GRB10: variants seen among roughly 807,000 people sequenced by gnomAD.
GRB10 encodes growth factor receptor-bound protein 10.
A neutral mutation model predicts 80.9 loss-of-function variants in GRB10; 20 were observed. That is an observed-to-expected ratio of 0.25 (90% CI 0.17 to 0.36). GRB10 has a LOEUF of 0.36. Ranked by LOEUF, GRB10 falls within the 10% of genes least tolerant of loss-of-function variation. GRB10 has a pLI of 1.00. For synonymous variants in GRB10, 291 were observed against 291.5 expected, an observed-to-expected ratio of 1.00 and a Z score of 0.02; for missense variants, 548 against 747.7, an observed-to-expected ratio of 0.73 and a Z score of 3.12.
intron 5 of GRB10, among the ~76,000 whole-genome samples, chr7:50,678,867 C>T (rs1235063803): frequency 6.6e-6 from 1 of 152,172 alleles, no homozygotes; most frequent in Non-Finnish European, 1.5e-5. Flanking sequence ...TGTGAAAGGC[C>T]TTCTGCCACG....
chr7:50,783,025 T>TC (rs2078471888), upstream of GRB10: 1 of 152,252 alleles, frequency 6.6e-6, no homozygotes, highest in African/African-American at 2.4e-5. Context: ...CCTCCTCTCC[T>TC]CCCCCACAGC....
intron 5 of GRB10, among the ~76,000 whole-genome samples, chr7:50,691,019 G>C (rs2062753256): frequency 6.6e-6 from 1 of 152,158 alleles, no homozygotes; most frequent in Non-Finnish European, 1.5e-5. Flanking sequence ...GCAAAACAAA[G>C]AGAACACAGG....
intron 7 of GRB10, among the ~76,000 whole-genome samples, chr7:50,628,018 C>T (rs1049661078): frequency 2.0e-5 from 3 of 152,170 alleles, no homozygotes; most frequent in Non-Finnish European, 4.4e-5. Flanking sequence ...CACGGACTTG[C>T]TCTCCCACTC....
intron 2 of GRB10, among the ~76,000 whole-genome samples, chr7:50,773,772 A>G (rs1415428662): frequency 6.6e-6 from 1 of 152,226 alleles, no homozygotes; most frequent in Non-Finnish European, 1.5e-5. Flanking sequence ...TATTCACAAT[A>G]CCCAAAAGGT....
intron 5 of GRB10, among the ~76,000 whole-genome samples, chr7:50,691,891 C>T (rs1308001022): frequency 6.6e-6 from 1 of 152,082 alleles, no homozygotes; most frequent in Non-Finnish European, 1.5e-5. Flanking sequence ...CAGGACTATG[C>T]TGAGCGTTTC....
intron 2 of GRB10, among the ~76,000 whole-genome samples, chr7:50,773,830 T>C (rs959282940): frequency 6.6e-6 from 1 of 152,220 alleles, no homozygotes. Context: ...AAGTAGTATA[T>C]ACATACAAGG....
intron 5 of GRB10, among the ~76,000 whole-genome samples, chr7:50,683,518 C>T (rs1270255176): frequency 6.6e-6 from 1 of 152,146 alleles, no homozygotes; most frequent in Non-Finnish European, 1.5e-5. Flanking sequence ...GGGTGGATCA[C>T]CTGAGGTCAG....
chr7:50,592,760 G>A lies in GRB10; in HGVS notation c.*192C>T. 1.5e-6 allele frequency: 1 copy of A among 662,106 alleles called. No homozygotes were observed. Among genetic ancestry groups the A allele is most frequent in the South Asian group, 1.8e-5 (1 of 55,724 alleles). 41.0% of individuals were successfully genotyped at this position (662,106 alleles called of 1,614,324 possible). The stretch of plus-strand genomic sequence containing the variant: ...GGCCGATGCAGAGGGAGGCGACCCT[G>A]CTGGGTTCACAGCAGCAAATCGTCG... On this transcript the variant is annotated 3_prime_UTR_variant, in exon 19 of 19. Transcript: ENST00000401949.
chr7:50,689,412 T>C (rs2062512140), intron 5 of GRB10, among the ~76,000 whole-genome samples: 1 of 152,168 alleles, frequency 6.6e-6, no homozygotes, highest in South Asian at 2.1e-4. Flanking sequence ...TTTGAACAAC[T>C]CAGGACTATC....
In GRB10 at chr7:50,626,985, C is replaced by T. The variant is rs1460803574; in HGVS notation, c.505-7G>A. ...CACTAAAGACTTTAACATCCTGCAA[C>T]ACACAAAGGGGATAGTTACAGATAA... On this transcript the variant is annotated splice_region_variant and splice_polypyrimidine_tract_variant and intron_variant, in intron 7 of 18. Coordinates refer to ENST00000401949, the MANE Select transcript of GRB10 (RefSeq NM_001350814.2). The T allele has an allele frequency of 1.9e-6, 3 of 1,613,854 alleles. No homozygotes were observed. In the South Asian group the frequency reaches 3.3e-5, roughly 18 times the overall value.
chr7:50,745,887 T>C (rs1304029139), intron 3 of GRB10, among the ~76,000 whole-genome samples: 3 of 152,252 alleles, frequency 2.0e-5, no homozygotes, highest in Non-Finnish European at 4.4e-5. Context: ...TTCTAGATGC[T>C]AAAGTAAACT....
At chr7:50,745,176 C>T (rs1024529) in intron 3 of GRB10, among the ~76,000 whole-genome samples, 98,630 of 152,076 alleles carry the variant, frequency 0.65, 35,188 homozygotes, top group Middle Eastern at 0.84. Flanking sequence ...AATAGACTCA[C>T]ACAGTTCAAA....
intron 7 of GRB10, chr7:50,645,699 T>G: frequency 1.2e-6 from 1 of 820,606 alleles, no homozygotes; most frequent in Middle Eastern, 6.4e-4. Context: ...TCTGTCCATT[T>G]GCTCCCAGAC....
intron 7 of GRB10, among the ~76,000 whole-genome samples, chr7:50,664,563 C>T (rs1030142199): frequency 6.6e-6 from 1 of 152,206 alleles, no homozygotes; most frequent in African/African-American, 2.4e-5. Context: ...TTCTGTGGTG[C>T]CCCTCCCTCC....
At chr7:50,777,429 T>TACACACACACACAC (rs71018485) in intron 2 of GRB10, among the ~76,000 whole-genome samples, 38,735 of 145,928 alleles carry the variant, frequency 0.27, 5,903 homozygotes, top group Middle Eastern at 0.42. Flanking sequence ...GCAATCTGTA[T>TACACACACACACAC]ACACACACAC....
chr7:50,621,260 G>A (rs1475411644), intron 8 of GRB10, among the ~76,000 whole-genome samples: 1 of 152,256 alleles, frequency 6.6e-6, no homozygotes, highest in East Asian at 1.9e-4. Context: ...TGTCCCTGGT[G>A]GTCAGATCCA....
chr7:50,653,139 C>G (rs779746226), intron 7 of GRB10, among the ~76,000 whole-genome samples: 3 of 152,198 alleles, frequency 2.0e-5, no homozygotes, highest in Admixed American at 1.3e-4. Context: ...GGCCCCAGTA[C>G]GATGAGGAGC....
chr7:50,778,006 TAGCAAACCACC>T (rs2153712294), intron 2 of GRB10, among the ~76,000 whole-genome samples: 1 of 151,602 alleles, frequency 6.6e-6, no homozygotes, highest in Admixed American at 6.6e-5. Context: ...TTGATAGATG[TAGCAAACCACC>T]ATGGTACACG....
chr7:50,694,554 G>T (rs1210592975), intron 5 of GRB10, among the ~76,000 whole-genome samples: 1 of 152,154 alleles, frequency 6.6e-6, no homozygotes, highest in Non-Finnish European at 1.5e-5. Context: ...CTCAGATCCT[G>T]TCTCCACCCA....
Sources: allele counts gnomAD v4.1 joint callset (sites outside exome capture counted in the v4.1 genomes callset), GRCh38; gene constraint gnomAD v4.1.1; transcripts MANE v1.5; gene names NCBI Gene and HGNC (gene_info 2026-07-23, HGNC 2026-07-21).